The following CNTNAP5 variants were observed in gnomAD, a reference collection of about 807,000 sequenced individuals.
The protein encoded by CNTNAP5 is contactin-associated protein-like 5.
Under a neutral mutation model 150.2 loss-of-function variants are expected in CNTNAP5, and 72 were observed. The observed-to-expected ratio is 0.48, with a 90% CI of 0.40 to 0.58. The LOEUF (loss-of-function observed/expected upper bound fraction) is 0.58. CNTNAP5 is among the 20% of genes least tolerant of loss of function. CNTNAP5 has a pLI of 0.00. For synonymous variants in CNTNAP5, 672 were observed against 619.8 expected (o/e 1.08, Z -1.25); for missense variants, 1,636 against 1,626.2 (o/e 1.01, Z -0.10).
intron 2 of CNTNAP5, among the ~76,000 whole-genome samples, chr2:124,233,441 C>T (rs1356943088): frequency 6.6e-6 from 1 of 152,124 alleles, no homozygotes; most frequent in Non-Finnish European, 1.5e-5. Flanking sequence ...CTTTGGGAAG[C>T]ACTTCTTAGA....
At chr2:124,520,396 G>A (rs1694824285) in intron 8 of CNTNAP5, among the ~76,000 whole-genome samples, 1 of 152,302 alleles carries the variant, frequency 6.6e-6, no homozygotes, top group Non-Finnish European at 1.5e-5. Flanking sequence ...CACAGGAAAT[G>A]AGGTATGACA....
chr2:124,110,247 A>T (rs1438734307), intron 1 of CNTNAP5, among the ~76,000 whole-genome samples: 1 of 152,192 alleles, frequency 6.6e-6, no homozygotes, highest in East Asian at 1.9e-4. Context: ...CTCCTTTTGT[A>T]CTGAGCACCG....
At chr2:124,237,030 G>A (rs1256157504) in intron 2 of CNTNAP5, among the ~76,000 whole-genome samples, 4 of 152,154 alleles carry the variant, frequency 2.6e-5, no homozygotes, top group Non-Finnish European at 5.9e-5. Flanking sequence ...TCAGGAGGCT[G>A]AGGCAGGAGA....
intron 1 of CNTNAP5, among the ~76,000 whole-genome samples, chr2:124,054,334 GA>G (rs1186750349): frequency 6.6e-6 from 1 of 152,184 alleles, no homozygotes; most frequent in Non-Finnish European, 1.5e-5. Context: ...GAATATGATG[GA>G]AAAAATAGCA....
intron 1 of CNTNAP5, among the ~76,000 whole-genome samples, chr2:124,174,278 GTCT>G (rs1685010168): frequency 6.6e-6 from 1 of 152,132 alleles, no homozygotes; most frequent in Non-Finnish European, 1.5e-5. Context: ...TGACTTTCAA[GTCT>G]TATTATTTAA....
chr2:124,793,374 A>G (rs971221143), intron 18 of CNTNAP5, among the ~76,000 whole-genome samples: 1 of 151,918 alleles, frequency 6.6e-6, no homozygotes, highest in African/African-American at 2.4e-5. Flanking sequence ...TAGATTTTAA[A>G]TTTTTCTTCT....
At chr2:124,525,472 A>G (rs1400209519) in intron 9 of CNTNAP5, among the ~76,000 whole-genome samples, 2 of 152,202 alleles carry the variant, frequency 1.3e-5, no homozygotes, top group Non-Finnish European at 2.9e-5. Flanking sequence ...TTTTTTTCCT[A>G]TTAGTAAATT....
At chr2:124,314,830 T>C (rs1464651909) in intron 3 of CNTNAP5, among the ~76,000 whole-genome samples, 1 of 152,202 alleles carries the variant, frequency 6.6e-6, no homozygotes. Context: ...TTTTATATTA[T>C]GAGCATGTTC....
intron 11 of CNTNAP5, among the ~76,000 whole-genome samples, chr2:124,590,064 C>G (rs1000744161): frequency 9.9e-5 from 15 of 151,484 alleles, no homozygotes; most frequent in African/African-American, 3.6e-4. Flanking sequence ...TCCCCTCCCT[C>G]TCTCTCTCTG....
intron 6 of CNTNAP5, among the ~76,000 whole-genome samples, chr2:124,470,012 T>C (rs1693470345): frequency 6.6e-6 from 1 of 152,208 alleles, no homozygotes; most frequent in South Asian, 2.1e-4. Flanking sequence ...TGTTTGCTAT[T>C]GTGAATAGTG....
chr2:124,407,061 A>G (rs1401247977), intron 3 of CNTNAP5, among the ~76,000 whole-genome samples: 1 of 152,176 alleles, frequency 6.6e-6, no homozygotes, highest in African/African-American at 2.4e-5. Context: ...AATAATACAT[A>G]TACTACATTT....
At chr2:124,634,081 A>G (rs1321003528) in intron 12 of CNTNAP5, among the ~76,000 whole-genome samples, 1 of 152,156 alleles carries the variant, frequency 6.6e-6, no homozygotes, top group Non-Finnish European at 1.5e-5. Flanking sequence ...TCCCATTGTC[A>G]TGGATATTAA....
chr2:124,821,852 C>G (rs1682498481), intron 19 of CNTNAP5, among the ~76,000 whole-genome samples: 2 of 152,212 alleles, frequency 1.3e-5, no homozygotes, highest in Admixed American at 1.3e-4. Flanking sequence ...GTGTTTTACG[C>G]AGTCCTCCAG....
At chr2:124,606,562 G>A (rs1033881141) in intron 11 of CNTNAP5, among the ~76,000 whole-genome samples, 3 of 152,198 alleles carry the variant, frequency 2.0e-5, no homozygotes, top group African/African-American at 4.8e-5. Flanking sequence ...GTATTAGTCC[G>A]TTTTCACGCT....
chr2:124,908,964 G>T (rs1195715898), intron 22 of CNTNAP5, among the ~76,000 whole-genome samples: 1 of 151,922 alleles, frequency 6.6e-6, no homozygotes, highest in Non-Finnish European at 1.5e-5. Flanking sequence ...TTATGACAAA[G>T]AAGTAAAAAA....
At position 124,563,276 on chromosome 2, in the gene CNTNAP5, A is replaced by G; in HGVS notation, c.1709A>G (p.Tyr570Cys). Residue 570 changes from tyrosine (Y) to cysteine (C), a missense_variant, in exon 11 of 24, where the codon TAT becomes TGT. Tyr to Cys is a radical substitution (Grantham distance 194). Coordinates refer to ENST00000682447, the MANE Select transcript of CNTNAP5 (RefSeq NM_001367498.1). ...TGCTCCCAGTCCTGGACTACCTTCT[A>G]TTGTAACTGCAGTGACACAAGTTAC... is the stretch of plus-strand genomic sequence containing the variant. The part of the protein sequence containing the change: ...GSCSQSWTTF[Y>C]CNCSDTSYTG... 4 of 1,585,560 alleles carry G rather than the reference A, an allele frequency of 2.5e-6. No homozygotes were observed. Among genetic ancestry groups the G allele is most frequent in the Non-Finnish European group, 3.4e-6 (4 of 1,165,000 alleles).
chr2:124,429,432 AT>A (rs1293992454), intron 4 of CNTNAP5, among the ~76,000 whole-genome samples: 1 of 152,240 alleles, frequency 6.6e-6, no homozygotes, highest in Non-Finnish European at 1.5e-5. Flanking sequence ...AAAATAGTAC[AT>A]TATAAAATAC....
intron 13 of CNTNAP5, among the ~76,000 whole-genome samples, chr2:124,710,015 A>G (rs1679773276): frequency 6.6e-6 from 1 of 152,124 alleles, no homozygotes; most frequent in Non-Finnish European, 1.5e-5. Flanking sequence ...CAAAATTACA[A>G]AAAAAGTGGT....
At chr2:124,306,671 G>T (rs1248058547) in intron 3 of CNTNAP5, among the ~76,000 whole-genome samples, 2 of 150,110 alleles carry the variant, frequency 1.3e-5, no homozygotes, top group Non-Finnish European at 3.0e-5. Flanking sequence ...ACACCTGCAT[G>T]GTCATCATGG....
Sources: gnomAD v4.1 joint callset for allele counts (sites outside exome capture counted in the v4.1 genomes callset) on GRCh38, gnomAD v4.1.1 for gene constraint, MANE v1.5 for transcripts, NCBI Gene and HGNC (gene_info 2026-07-23, HGNC 2026-07-21) for gene names.